The following ATG5 variants were observed in gnomAD, a reference collection of about 807,000 sequenced individuals.
ATG5 encodes the protein autophagy related 5.
Under a neutral mutation model 36.5 loss-of-function variants are expected in ATG5, and 14 were observed. That is an observed-to-expected ratio of 0.38 (90% confidence interval 0.25 to 0.60). The LOEUF is 0.60. Among genes scored for constraint, ATG5 ranks in the 20% least tolerant of loss-of-function variants. The pLI, the probability that ATG5 is intolerant of heterozygous loss-of-function variation, is 0.60. For missense variants in ATG5, 195 were observed against 326.7 expected (o/e 0.60, Z 3.11); for synonymous variants, 95 against 101.5 (o/e 0.94, Z 0.38).
At chr6:106,253,794 GTTATT>G (rs1293495906) in intron 5 of ATG5, among the ~76,000 whole-genome samples, 1 of 152,124 alleles carries the variant, frequency 6.6e-6, no homozygotes, top group Non-Finnish European at 1.5e-5. Flanking sequence ...TAATGATATG[GTTATT>G]TTAAGTTATA....
chr6:106,229,763 G>A (rs571028090), intron 6 of ATG5, among the ~76,000 whole-genome samples: 36 of 152,266 alleles, frequency 2.4e-4, no homozygotes, highest in Non-Finnish European at 5.1e-4. Context: ...AGTGACCTGC[G>A]GATGGCCCAA....
intron 6 of ATG5, among the ~76,000 whole-genome samples, chr6:106,245,613 T>A (rs1356725105): frequency 6.6e-6 from 1 of 152,196 alleles, no homozygotes; most frequent in East Asian, 1.9e-4. Flanking sequence ...CACTCAAGCA[T>A]GCTCAGTACT....
intron 7 of ATG5, among the ~76,000 whole-genome samples, chr6:106,190,067 T>C (rs761027096): frequency 6.6e-6 from 1 of 152,180 alleles, no homozygotes; most frequent in Non-Finnish European, 1.5e-5. Flanking sequence ...CCATGATATA[T>C]AAAATAATAA....
At chr6:106,267,929 G>A (rs1267931685) in intron 5 of ATG5, among the ~76,000 whole-genome samples, 1 of 152,112 alleles carries the variant, frequency 6.6e-6, no homozygotes, top group South Asian at 2.1e-4. Flanking sequence ...CATAGGCATG[G>A]GAAAAGACTT....
At chr6:106,264,373 C>A (rs1331165219) in intron 5 of ATG5, among the ~76,000 whole-genome samples, 1 of 152,000 alleles carries the variant, frequency 6.6e-6, no homozygotes, top group Non-Finnish European at 1.5e-5. Context: ...AATCGGTGTA[C>A]CTGAAAATGA....
chr6:106,184,478 TATTTA>T lies in ATG5; in HGVS notation c.*2057_*2061del. On this transcript the variant is annotated 3_prime_UTR_variant, in exon 8 of 8. Coordinates refer to ENST00000369076, the MANE Select transcript of ATG5 (RefSeq NM_004849.4). ...TTTAAATAAAGACGGACACAACATT[TATTTA>T]ATTTTTTAATAAACCATAAAATTTA... The T allele has an allele frequency of 6.6e-6, 1 of 152,308 alleles. No individual in the cohort carries two copies. The highest frequency in any genetic ancestry group is 1.5e-5 in the Non-Finnish European group (1 of 67,986). 9.4% of individuals were successfully genotyped at this position (152,308 alleles called of 1,614,324 possible).
At chr6:106,321,918 G>T (rs1253931753) in intron 1 of ATG5, among the ~76,000 whole-genome samples, 1 of 152,028 alleles carries the variant, frequency 6.6e-6, no homozygotes, top group African/African-American at 2.4e-5. Context: ...AAATAATGGG[G>T]AAAAATATAT....
intron 1 of ATG5, among the ~76,000 whole-genome samples, chr6:106,323,637 G>A (rs905220958): frequency 6.6e-6 from 1 of 151,860 alleles, no homozygotes; most frequent in Non-Finnish European, 1.5e-5. Flanking sequence ...TGGTCATTTC[G>A]CACTACCGCC....
At chr6:106,314,003 AAG>A (rs747550984) in intron 2 of ATG5, among the ~76,000 whole-genome samples, 150 of 152,344 alleles carry the variant, frequency 9.8e-4, no homozygotes, top group African/African-American at 3.1e-3. Flanking sequence ...ATGACTGTAT[AAG>A]AGGTTTCTCT....
chr6:106,271,218 A>G (rs1779440208), intron 5 of ATG5, among the ~76,000 whole-genome samples: 1 of 152,198 alleles, frequency 6.6e-6, no homozygotes, highest in Non-Finnish European at 1.5e-5. Context: ...TACACCTAAG[A>G]CATGCTTATC....
At chr6:106,222,052 C>T (rs1777275013) in intron 6 of ATG5, among the ~76,000 whole-genome samples, 1 of 152,028 alleles carries the variant, frequency 6.6e-6, no homozygotes. Context: ...TCACCCTGCC[C>T]AGCTAATTTT....
chr6:106,232,528 G>C (rs1353971089), intron 6 of ATG5, among the ~76,000 whole-genome samples: 1 of 152,042 alleles, frequency 6.6e-6, no homozygotes, highest in South Asian at 2.1e-4. Context: ...GACGAGCAAA[G>C]AATGCCCGTC....
chr6:106,264,027 G>A (rs1252063401), intron 5 of ATG5, among the ~76,000 whole-genome samples: 1 of 152,084 alleles, frequency 6.6e-6, no homozygotes, highest in East Asian at 1.9e-4. Flanking sequence ...TTCAGAAGGT[G>A]GGTAATAACA....
intron 5 of ATG5, among the ~76,000 whole-genome samples, chr6:106,257,424 T>C (rs1261629450): frequency 6.6e-6 from 1 of 152,232 alleles, no homozygotes; most frequent in Non-Finnish European, 1.5e-5. Context: ...CTATGAGTAA[T>C]GCATTGTGCT....
chr6:106,299,839 G>A (rs1770132956), intron 3 of ATG5, among the ~76,000 whole-genome samples: 1 of 152,166 alleles, frequency 6.6e-6, no homozygotes, highest in East Asian at 1.9e-4. Flanking sequence ...GAGAACTACT[G>A]CCCAAGTTCA....
intron 4 of ATG5, among the ~76,000 whole-genome samples, chr6:106,286,333 T>A (rs1780080560): frequency 6.6e-6 from 1 of 152,160 alleles, no homozygotes; most frequent in Non-Finnish European, 1.5e-5. Flanking sequence ...TTTGTTCCCT[T>A]TCTAAGGTTC....
chr6:106,239,795 G>A (rs991549126), intron 6 of ATG5, among the ~76,000 whole-genome samples: 9 of 152,288 alleles, frequency 5.9e-5, no homozygotes, highest in South Asian at 2.1e-4. Flanking sequence ...CTGGGACAAA[G>A]CCAAGCCTAT....
chr6:106,265,009 A>G (rs1274614608), intron 5 of ATG5, among the ~76,000 whole-genome samples: 1 of 152,196 alleles, frequency 6.6e-6, no homozygotes, highest in African/African-American at 2.4e-5. Flanking sequence ...CTTAAATGTA[A>G]ATGGGATAAA....
intron 6 of ATG5, among the ~76,000 whole-genome samples, chr6:106,236,414 C>T (rs1032450541): frequency 6.6e-6 from 1 of 152,142 alleles, no homozygotes; most frequent in Admixed American, 6.5e-5. Flanking sequence ...AAACTCTTGT[C>T]TAAAGTGATT....
Sources: gnomAD v4.1 joint callset for allele counts (sites outside exome capture counted in the v4.1 genomes callset) on GRCh38, gnomAD v4.1.1 for gene constraint, MANE v1.5 for transcripts, NCBI Gene and HGNC (gene_info 2026-07-23, HGNC 2026-07-21) for gene names.